The following TRHDE variants were observed in gnomAD, a reference collection of about 807,000 sequenced individuals.
TRHDE encodes thyrotropin releasing hormone degrading enzyme.
In TRHDE, 72 loss-of-function variants were observed where a neutral mutation model predicts 125.7. The ratio of observed to expected loss-of-function variants is 0.57; its 90% CI spans 0.47 to 0.70. TRHDE has a LOEUF of 0.70. Among genes scored for constraint, TRHDE ranks in the 30% least tolerant of loss-of-function variants. The pLI is 0.00. For missense variants in TRHDE, 1,110 were observed against 1,327.1 expected (o/e 0.84, Z 2.54); for synonymous variants, 509 against 509.1 (o/e 1.00, Z 0.00).
At chr12:72,143,847 G>A (rs986690086) in intron 2 of TRHDE, among the ~76,000 whole-genome samples, 1 of 152,112 alleles carries the variant, frequency 6.6e-6, no homozygotes, top group African/African-American at 2.4e-5. Context: ...TGACAATATA[G>A]TATAAGAAAC....
intron 9 of TRHDE, among the ~76,000 whole-genome samples, chr12:72,567,772 T>C (rs375256085): frequency 6.6e-6 from 1 of 152,114 alleles, no homozygotes; most frequent in Non-Finnish European, 1.5e-5. Flanking sequence ...GAAACAAATA[T>C]AGTCATTGGA....
chr12:72,463,965 A>T (rs1407346035), intron 3 of TRHDE, among the ~76,000 whole-genome samples: 2 of 152,108 alleles, frequency 1.3e-5, no homozygotes, highest in Non-Finnish European at 2.9e-5. Flanking sequence ...TCCCTGCATG[A>T]TGTTCTCAGG....
Position 72,530,468 on chromosome 12 carries a change from T to C in TRHDE, c.1723-11823T>C, listed in dbSNP as rs570640501. ...TTTAACCAGCTCATTGGCCATTTCT[T>C]TTTCATCTCTTTGAGGAACTTAATT... On this transcript the variant is annotated intron_variant, in intron 6 of 18. Coordinates refer to ENST00000261180, the MANE Select transcript of TRHDE (RefSeq NM_013381.3). Among the ~76,000 whole-genome samples, 6 of 150,336 alleles carry C rather than the reference T, an allele frequency of 4.0e-5. No individual in the cohort carries two copies. In the East Asian group the frequency reaches 1.2e-3, roughly 29 times the overall value.
chr12:72,640,046 C>T (rs914420243), intron 15 of TRHDE, among the ~76,000 whole-genome samples: 1 of 152,198 alleles, frequency 6.6e-6, no homozygotes, highest in African/African-American at 2.4e-5. Context: ...TTCCAGCTTC[C>T]CTGCTGCTTT....
rs138230560 is a variant in TRHDE, at chr12:72,438,002, A to G, written c.1316-31756A>G. ...TATAAGATCAGCTTTTTTAGATTTC[A>G]TATGTGAGTGAGATCATGTGGTAAT... On this transcript the variant is annotated intron_variant, in intron 3 of 18. Transcript: ENST00000261180. Among the ~76,000 whole-genome samples, 1,004 of 151,916 alleles carry G rather than the reference A, an allele frequency of 6.6e-3. 4 individuals carry two copies. The highest frequency in any genetic ancestry group is 0.02 in the Middle Eastern group (6 of 294).
At chr12:72,451,134 G>C (rs1322391946) in intron 3 of TRHDE, among the ~76,000 whole-genome samples, 1 of 152,008 alleles carries the variant, frequency 6.6e-6, no homozygotes, top group East Asian at 1.9e-4. Flanking sequence ...GATATAATCT[G>C]ATTTGTTTAG....
chr12:72,637,336 G>A (rs978831572), intron 15 of TRHDE, among the ~76,000 whole-genome samples: 1 of 152,134 alleles, frequency 6.6e-6, no homozygotes, highest in South Asian at 2.1e-4. Context: ...ATTTCTGTGG[G>A]ATTGGTGGTG....
intron 15 of TRHDE, among the ~76,000 whole-genome samples, chr12:72,639,094 G>C (rs1175214232): frequency 6.6e-6 from 1 of 150,968 alleles, no homozygotes; most frequent in Non-Finnish European, 1.5e-5. Flanking sequence ...ATATCCTGCA[G>C]AGTGTTTTCC....
intron 18 of TRHDE, among the ~76,000 whole-genome samples, chr12:72,659,360 A>G (rs1346997529): frequency 2.0e-5 from 3 of 152,140 alleles, no homozygotes; most frequent in Non-Finnish European, 4.4e-5. Context: ...GGCCCTTGCC[A>G]TTTTTCCACA....
chr12:72,462,311 C>T (rs1234436008), intron 3 of TRHDE, among the ~76,000 whole-genome samples: 5 of 152,098 alleles, frequency 3.3e-5, no homozygotes, highest in African/African-American at 1.2e-4. Context: ...AGGCATAGAG[C>T]CCATCTGTGA....
chr12:72,422,028 C>T (rs542098135), intron 3 of TRHDE, among the ~76,000 whole-genome samples: 1 of 152,168 alleles, frequency 6.6e-6, no homozygotes, highest in African/African-American at 2.4e-5. Context: ...TATAAAAAGT[C>T]CTGTGTCTTT....
intron 2 of TRHDE, among the ~76,000 whole-genome samples, chr12:72,370,904 A>G (rs181542087): frequency 3.7e-4 from 57 of 152,102 alleles, no homozygotes; most frequent in Admixed American, 7.2e-4. Context: ...CACCATGCTC[A>G]GCTAATTTTT....
chr12:72,191,157 CT>C (rs1877331054), intron 2 of TRHDE, among the ~76,000 whole-genome samples: 1 of 151,504 alleles, frequency 6.6e-6, no homozygotes, highest in Admixed American at 6.6e-5. Context: ...TACTATGTCA[CT>C]TACAGACAAA....
intron 5 of TRHDE, among the ~76,000 whole-genome samples, chr12:72,477,984 C>T (rs190961712): frequency 3.9e-5 from 6 of 152,144 alleles, no homozygotes; most frequent in South Asian, 2.1e-4. Context: ...AAGAGCTTCA[C>T]GCACCAAAAA....
At chr12:72,145,320 A>G (rs1304601116) in intron 2 of TRHDE, among the ~76,000 whole-genome samples, 1 of 152,206 alleles carries the variant, frequency 6.6e-6, no homozygotes, top group African/African-American at 2.4e-5. Context: ...AAGAAGGTCC[A>G]CAGAGATCCG....
intron 15 of TRHDE, among the ~76,000 whole-genome samples, chr12:72,645,515 C>T (rs1874244593): frequency 6.6e-6 from 1 of 151,888 alleles, no homozygotes; most frequent in Admixed American, 6.6e-5. Flanking sequence ...CATGTAAGTC[C>T]AAGAAGCAGA....
chr12:72,525,482 CCTGG>C (rs1404244161), intron 6 of TRHDE, among the ~76,000 whole-genome samples: 1 of 151,720 alleles, frequency 6.6e-6, no homozygotes, highest in Non-Finnish European at 1.5e-5. Flanking sequence ...AAAGATTGTG[CCTGG>C]TATATCCTAG....
intron 3 of TRHDE, among the ~76,000 whole-genome samples, chr12:72,447,018 A>G (rs1875321613): frequency 3.9e-5 from 6 of 152,084 alleles, no homozygotes; most frequent in Admixed American, 3.9e-4. Context: ...AAGCGGACCT[A>G]ATAGACATCT....
In TRHDE at chr12:72,575,309, A is replaced by C. The variant is rs759739637; in HGVS notation, c.2186A>C (p.Asn729Thr). The C allele has an allele frequency of 6.2e-7, 1 of 1,613,622 alleles. No homozygotes were observed. The highest frequency in any genetic ancestry group is 8.5e-7 in the Non-Finnish European group (1 of 1,179,732). The stretch of plus-strand genomic sequence containing the variant: ...GGAAGCTGGCTGCTGGGGAACATCA[A>C]TCAAACTGGCTATTTTAGAGTCAAC... ...DKGSWLLGNI[N>T]QTGYFRVNYD... Residue 729 changes from asparagine (N) to threonine (T), a missense_variant, in exon 11 of 19, where the codon AAT becomes ACT. By Grantham distance (65) the Asn-to-Thr change is moderately conservative. Coordinates refer to ENST00000261180, the MANE Select transcript of TRHDE (RefSeq NM_013381.3).
Sources: allele counts gnomAD v4.1 joint callset (sites outside exome capture counted in the v4.1 genomes callset), GRCh38; gene constraint gnomAD v4.1.1; transcripts MANE v1.5; gene names NCBI Gene and HGNC (gene_info 2026-07-23, HGNC 2026-07-21).